PRKAR1B: variants seen among roughly 807,000 people sequenced by gnomAD.
PRKAR1B encodes protein kinase cAMP-dependent type I regulatory subunit beta.
In PRKAR1B, 22 loss-of-function variants were observed where a neutral mutation model predicts 46.5. The ratio of observed to expected loss-of-function variants is 0.47; its 90% confidence interval spans 0.34 to 0.68. The LOEUF is 0.68. Among genes scored for constraint, PRKAR1B ranks in the 30% least tolerant of loss-of-function variants. The pLI, the probability that PRKAR1B is intolerant of heterozygous loss-of-function variation, is 0.01. For missense variants in PRKAR1B, 445 were observed against 535.6 expected, an observed-to-expected ratio of 0.83 and a Z score of 1.67; for synonymous variants, 259 against 217.7, an observed-to-expected ratio of 1.19 and a Z score of -1.67.
At chr7:569,781 T>C (rs1779393672) in intron 9 of PRKAR1B, among the ~76,000 whole-genome samples, 1 of 152,036 alleles carries the variant, frequency 6.6e-6, no homozygotes. Flanking sequence ...GGAGTCCCTC[T>C]AAGCACCGAG....
chr7:587,602 T>C (rs537511643), intron 7 of PRKAR1B, among the ~76,000 whole-genome samples: 1 of 152,174 alleles, frequency 6.6e-6, no homozygotes, highest in East Asian at 1.9e-4. Flanking sequence ...ACACCAAAGG[T>C]GGCCCCATCA....
intron 4 of PRKAR1B, among the ~76,000 whole-genome samples, chr7:657,730 T>C (rs1785289300): frequency 6.6e-6 from 1 of 152,208 alleles, no homozygotes; most frequent in Admixed American, 6.5e-5. Flanking sequence ...TAGCAACTGT[T>C]GCTTTTTTTG....
intron 4 of PRKAR1B, among the ~76,000 whole-genome samples, chr7:611,251 T>C (rs939205182): frequency 2.0e-5 from 3 of 152,198 alleles, no homozygotes; most frequent in African/African-American, 7.2e-5. Flanking sequence ...TGTGCCTCCC[T>C]CTCGTCCACC....
chr7:550,099 G>A lies in PRKAR1B; in HGVS notation c.*331C>T, dbSNP rs906507088. 3.9e-5 allele frequency: 13 copies of A among 333,842 alleles called. No individual in the cohort carries two copies. Among genetic ancestry groups the A allele is most frequent in the Non-Finnish European group, 6.2e-5 (11 of 177,162 alleles). 20.7% of individuals were successfully genotyped at this position (333,842 alleles called of 1,614,324 possible). A position where few individuals can be genotyped will look rare whatever the true frequency, so the allele number is the denominator to read the frequency against. On this transcript the variant is annotated 3_prime_UTR_variant, in exon 11 of 11. Transcript: ENST00000537384. Reference sequence around the variant, plus strand: ...TCCTGGCCTGGTTCTGGGGAGGACCGATCCTCAAGCATCTCCAGGAGACTG... The same window carrying A: ...TCCTGGCCTGGTTCTGGGGAGGACCAATCCTCAAGCATCTCCAGGAGACTG...
chr7:620,237 T>C (rs113876185), intron 4 of PRKAR1B, among the ~76,000 whole-genome samples: 12,648 of 152,244 alleles, frequency 0.083, 1,463 homozygotes, highest in African/African-American at 0.26. Flanking sequence ...TAGAGATTAA[T>C]GTGAGGGAGA....
chr7:615,391 C>G (rs572468172), intron 4 of PRKAR1B, among the ~76,000 whole-genome samples: 1 of 149,152 alleles, frequency 6.7e-6, no homozygotes. Flanking sequence ...CGCCACTGCA[C>G]GCCAGCCTGG....
At chr7:613,036 ATGG>A (rs1235128309) in intron 4 of PRKAR1B, among the ~76,000 whole-genome samples, 2 of 152,218 alleles carry the variant, frequency 1.3e-5, no homozygotes, top group African/African-American at 4.8e-5. Flanking sequence ...GTCATTAAAA[ATGG>A]TGGTGTAGAT....
rs145786349 is a variant in PRKAR1B at position 581,595 on chromosome 7, C to T, written c.770-2218G>A. On this transcript the variant is annotated intron_variant, in intron 8 of 10. Transcript: ENST00000537384. ...TTTCCACATATTTGATTAGCAAATGCTTACTCTATTACATTTGAAACCTGT... is the reference window on the plus strand; with the variant it reads ...TTTCCACATATTTGATTAGCAAATGTTTACTCTATTACATTTGAAACCTGT... 6.6e-4 allele frequency among the ~76,000 whole-genome samples: 101 copies of T among 152,314 alleles called. No individual in the cohort carries two copies. The East Asian group carries it at 0.018, about 27-fold the overall frequency.
At chr7:669,733 C>T (rs1054884366) in intron 4 of PRKAR1B, among the ~76,000 whole-genome samples, 17 of 151,314 alleles carry the variant, frequency 1.1e-4, no homozygotes, top group African/African-American at 3.9e-4. Flanking sequence ...CACTGCACTC[C>T]AGCCTGGGTG....
chr7:675,877 C>T (rs1167885490), intron 4 of PRKAR1B, among the ~76,000 whole-genome samples: 3 of 152,014 alleles, frequency 2.0e-5, no homozygotes, highest in East Asian at 1.9e-4. Context: ...ACCCAGGTGG[C>T]GGAGGTTGAA....
At chr7:608,487 G>A (rs557794869) in intron 4 of PRKAR1B, 1 of 152,428 alleles carries the variant, frequency 6.6e-6, no homozygotes, top group South Asian at 2.1e-4. Flanking sequence ...TTAAAATAGT[G>A]GTTGTTTTCT....
intron 2 of PRKAR1B, among the ~76,000 whole-genome samples, chr7:682,600 C>G (rs1309759190): frequency 6.6e-6 from 1 of 152,066 alleles, no homozygotes; most frequent in Non-Finnish European, 1.5e-5. Flanking sequence ...AAAAAATTAG[C>G]TGGGTGTGGT....
rs753217047 is a variant in PRKAR1B, at chr7:667,887, G to A, written c.440+9342C>T. Among the ~76,000 whole-genome samples the A allele has an allele frequency of 4.6e-5, 7 of 152,180 alleles. No individual in the cohort carries two copies. Among genetic ancestry groups the A allele is most frequent in the Non-Finnish European group, 8.8e-5 (6 of 68,030 alleles). ...CACCATCCTAGAAGGACAGGCAGGC[G>A]GTCTGGGGGAGTTGCAGCCTCCCTC... On this transcript the variant is annotated intron_variant, in intron 4 of 10. Transcript: ENST00000537384. The surrounding 1 kb of genome is among the most constrained non-coding windows in gnomAD (Gnocchi z 4.3).
chr7:639,958 T>C (rs1364141882), intron 4 of PRKAR1B, among the ~76,000 whole-genome samples: 2 of 150,296 alleles, frequency 1.3e-5, no homozygotes, highest in Non-Finnish European at 3.0e-5. Flanking sequence ...AGGTCAGGAG[T>C]TTGAGACCAG....
rs926529178 is a variant in PRKAR1B, at chr7:593,978, G to A, written c.708+2168C>T. ...CGCCGTGGGGCCGGGACAGGCCAGC[G>A]CCAGCAGGACACCGTCTCTCAGCTG... On this transcript the variant is annotated intron_variant, in intron 7 of 10. Coordinates refer to ENST00000537384, the MANE Select transcript of PRKAR1B (RefSeq NM_001164760.2). This position sits in a 1 kb window ranked among gnomAD's most constrained non-coding sequence, Gnocchi z 6.1. 1.3e-5 allele frequency among the ~76,000 whole-genome samples: 2 copies of A among 152,156 alleles called. No individual in the cohort carries two copies. The highest frequency in any genetic ancestry group is 3.9e-4 in the East Asian group (2 of 5,168).
chr7:565,492 G>T, intron 9 of PRKAR1B: 1 of 152,392 alleles, frequency 6.6e-6, no homozygotes. Flanking sequence ...CTTGGACACT[G>T]CCCATCTTCC....
intron 9 of PRKAR1B, among the ~76,000 whole-genome samples, chr7:559,337 C>T (rs561613437): frequency 6.6e-6 from 1 of 152,288 alleles, no homozygotes; most frequent in East Asian, 1.9e-4. Context: ...GGCCGCATCC[C>T]AGGCCGAGAG....
intron 2 of PRKAR1B, among the ~76,000 whole-genome samples, chr7:685,375 T>TAC (rs1372724022): frequency 3.6e-5 from 1 of 27,994 alleles, no homozygotes; most frequent in Non-Finnish European, 5.8e-5. Context: ...CACATATATA[T>TAC]ATATACATAC....
chr7:681,938 G>C (rs1173061038), intron 2 of PRKAR1B, among the ~76,000 whole-genome samples: 3 of 152,236 alleles, frequency 2.0e-5, no homozygotes, highest in African/African-American at 7.2e-5. Context: ...CTTAGGACCA[G>C]AGGCAGGGGG....
Sources: allele counts gnomAD v4.1 joint callset (sites outside exome capture counted in the v4.1 genomes callset), GRCh38; gene constraint gnomAD v4.1.1; non-coding constraint Gnocchi (gnomAD v3.1); transcripts MANE v1.5; gene names NCBI Gene and HGNC (gene_info 2026-07-23, HGNC 2026-07-21).